NUDC: variants seen among roughly 807,000 people sequenced by gnomAD.
NUDC encodes the protein nuclear distribution C, dynein complex regulator, also known as nuclear migration protein nudC.
Under a neutral mutation model 45.0 loss-of-function variants are expected in NUDC, and 14 were observed. The ratio of observed to expected loss-of-function variants is 0.31; its 90% CI spans 0.21 to 0.49. The LOEUF is 0.49. Among genes scored for constraint, NUDC ranks in the 20% least tolerant of loss-of-function variants. The pLI is 0.99. For synonymous variants in NUDC, 153 were observed against 156.7 expected (o/e 0.98, Z 0.17); for missense variants, 323 against 426.2 (o/e 0.76, Z 2.13).
chr1:26,923,844 G>T (rs565144754), intron 1 of NUDC, among the ~76,000 whole-genome samples: 4 of 152,084 alleles, frequency 2.6e-5, no homozygotes, highest in Non-Finnish European at 5.9e-5. Flanking sequence ...TGTTCCATAC[G>T]CTTAGGCTGC....
intron 2 of NUDC, among the ~76,000 whole-genome samples, chr1:26,938,694 G>A (rs571323934): frequency 9.8e-5 from 15 of 152,288 alleles, no homozygotes; most frequent in African/African-American, 2.4e-4. Context: ...CTGGGGGCCC[G>A]TGGGTGACTT....
At chr1:26,936,166 T>TATATATATATATATA (rs1491359477) in intron 2 of NUDC, among the ~76,000 whole-genome samples, 2 of 1,838 alleles carry the variant, frequency 1.1e-3, no homozygotes, top group Non-Finnish European at 9.5e-4. Flanking sequence ...TATATATATA[T>TATATATATATATATA]TTTTTTTTTT....
At chr1:26,926,047 G>A (rs1486614449) in intron 2 of NUDC, among the ~76,000 whole-genome samples, 6 of 149,712 alleles carry the variant, frequency 4.0e-5, no homozygotes, top group Admixed American at 6.7e-5. Context: ...ACGGAGTCCC[G>A]CTCTTTTTAT....
At chr1:26,902,594 ATC>A (rs761886589) in intron 2 of NUDC, among the ~76,000 whole-genome samples, 3 of 151,912 alleles carry the variant, frequency 2.0e-5, no homozygotes, top group African/African-American at 4.8e-5. Flanking sequence ...TTCAAATAAA[ATC>A]TCTCCTGGCA....
rs530732263 is a variant in NUDC, at chr1:26,905,709, T to C, written c.-16+3343T>C. Among the ~76,000 whole-genome samples, 5 of 152,252 alleles carry C rather than the reference T, an allele frequency of 3.3e-5. No individual in the cohort carries two copies. The East Asian group carries it at 7.7e-4, about 24-fold the overall frequency. On this transcript the variant is annotated intron_variant, in intron 2 of 6. Transcript: ENST00000435827. ...GGAGGGTATCCCTCACAGAGGAATC[T>C]TGATGGCTTGCTGCATGCAGGAAGA...
At chr1:26,935,885 T>G (rs2082225302) in intron 2 of NUDC, among the ~76,000 whole-genome samples, 1 of 148,600 alleles carries the variant, frequency 6.7e-6, no homozygotes, top group South Asian at 2.1e-4. Context: ...CACAGCACTT[T>G]GGGAGGCTGA....
At chr1:26,900,566 C>T in intron 1 of NUDC, 2 of 772,110 alleles carry the variant, frequency 2.6e-6, no homozygotes, top group Non-Finnish European at 4.1e-6. Flanking sequence ...GTTGTGGAAC[C>T]TGGAGCTGGA....
At chr1:26,943,163 G>GGATT in intron 6 of NUDC, 98 bp downstream of exon 6, 1 of 1,237,948 alleles carries the variant, frequency 8.1e-7, no homozygotes, top group South Asian at 1.2e-5. Flanking sequence ...GGGCATTGTG[G>GGATT]GATTATCTTA....
intron 2 of NUDC, among the ~76,000 whole-genome samples, chr1:26,933,987 T>A (rs1176028939): frequency 6.6e-6 from 1 of 152,092 alleles, no homozygotes; most frequent in Non-Finnish European, 1.5e-5. Flanking sequence ...ACCCCAGCTC[T>A]CCTAAAAATA....
At chr1:26,919,104 G>A (rs1002802086), upstream of NUDC, among the ~76,000 whole-genome samples, 3 of 150,150 alleles carry the variant, frequency 2.0e-5, no homozygotes, top group Non-Finnish European at 4.4e-5. Context: ...CTTTGTTTGA[G>A]ACAGGGTCTG....
At chr1:26,906,965 A>T (rs905114504) in intron 2 of NUDC, among the ~76,000 whole-genome samples, 6 of 152,220 alleles carry the variant, frequency 3.9e-5, no homozygotes, top group African/African-American at 1.4e-4. Context: ...ATACCCTGCC[A>T]GGAAGAGGAG....
chr1:26,912,180 C>T (rs976207489), intron 3 of NUDC: 1 of 1,482,440 alleles, frequency 6.7e-7, no homozygotes, highest in Non-Finnish European at 9.2e-7. Flanking sequence ...TCAGAGACAC[C>T]CCTCTGCCTC....
chr1:26,945,707 G>A lies in NUDC; in HGVS notation c.944+21G>A, dbSNP rs369572996. On this transcript the variant is annotated intron_variant, in intron 8 of 8. Coordinates refer to ENST00000321265, the MANE Select transcript of NUDC (RefSeq NM_006600.4). ...AAGAAGTGAGCAATTCAGAGACGGG[G>A]TTGGGGGACCGTGGGTGCCTGGGGG... 25 of 1,588,160 alleles carry A rather than the reference G, an allele frequency of 1.6e-5. No homozygotes were observed. In the Admixed American group the frequency reaches 3.8e-4, roughly 24 times the overall value.
chr1:26,922,137 T>G, intron 1 of NUDC: 1 of 598,714 alleles, frequency 1.7e-6, no homozygotes, highest in Non-Finnish European at 3.0e-6. Flanking sequence ...CGCCCCTCAG[T>G]AGTAGCAAAT....
chr1:26,930,485 G>A (rs1196800597), intron 2 of NUDC, among the ~76,000 whole-genome samples: 1 of 152,162 alleles, frequency 6.6e-6, no homozygotes, highest in African/African-American at 2.4e-5. Flanking sequence ...GCTGAGATGG[G>A]GGGATCACTT....
rs772114445 is a variant in NUDC at position 26,941,085 on chromosome 1, CT to C, written c.160-347del. 4.5e-3 allele frequency among the ~76,000 whole-genome samples: 412 copies of C among 91,390 alleles called. 1 individual carries two copies. The highest frequency in any genetic ancestry group is 0.015 in the East Asian group (47 of 3,094). The allele number at this position is 91,390 out of a possible 152,430, so 60.0% of individuals were successfully genotyped here. A position where few individuals can be genotyped will look rare whatever the true frequency, so the allele number is the denominator to read the frequency against. On this transcript the variant is annotated intron_variant, in intron 2 of 8. Transcript: ENST00000321265. ...TACAGGCCCCCGCCACCATGCCCAGCTTTTTTTTTTTTTTTTTTTTTTTTTG... is the reference window on the plus strand; with the variant it reads ...TACAGGCCCCCGCCACCATGCCCAGCTTTTTTTTTTTTTTTTTTTTTTTTG...
At chr1:26,902,068 C>T (rs1193619868) in intron 1 of NUDC, among the ~76,000 whole-genome samples, 3 of 152,174 alleles carry the variant, frequency 2.0e-5, no homozygotes, top group Non-Finnish European at 4.4e-5. Context: ...AAATGCCTTC[C>T]CACTGTTTTG....
chr1:26,914,998 TG>T, intron 3 of NUDC, among the ~76,000 whole-genome samples: 1 of 147,500 alleles, frequency 6.8e-6, no homozygotes. Flanking sequence ...TATATGTATA[TG>T]TATATGTATA....
In NUDC at chr1:26,941,664, A is replaced by G; in HGVS notation, c.363+4A>G. 6.2e-7 allele frequency: 1 copy of G among 1,612,466 alleles called. No homozygotes were observed. Among genetic ancestry groups the G allele is most frequent in the Non-Finnish European group, 8.5e-7 (1 of 1,179,236 alleles). ...GCTGCAGCTAGAGATTGACCAGGTG[A>G]AGGGTGGGCTTCCCTTCTCCACCCC... On this transcript the variant is annotated splice_donor_region_variant and intron_variant, in intron 3 of 8. Transcript: ENST00000321265.
Sources: allele counts gnomAD v4.1 joint callset (sites outside exome capture counted in the v4.1 genomes callset), GRCh38; gene constraint gnomAD v4.1.1; transcripts MANE v1.5; gene names NCBI Gene and HGNC (gene_info 2026-07-23, HGNC 2026-07-21).